The following EDIL3 variants were observed in gnomAD, a reference collection of about 807,000 sequenced individuals.
EDIL3 encodes the protein EGF-like repeat and discoidin I-like domain-containing protein 3.
In EDIL3, 37 loss-of-function variants were observed where a neutral mutation model predicts 67.4. The ratio of observed to expected loss-of-function variants is 0.55; its 90% CI spans 0.42 to 0.72. The LOEUF (loss-of-function observed/expected upper bound fraction) is 0.72. Ranked by LOEUF, EDIL3 falls within the 30% of genes least tolerant of loss-of-function variation. The pLI, the probability that EDIL3 is intolerant of heterozygous loss-of-function variation, is 0.00. For missense variants in EDIL3, 527 were observed against 586.3 expected (o/e 0.90, Z 1.04); for synonymous variants, 195 against 196.3 (o/e 0.99, Z 0.05).
intron 9 of EDIL3, among the ~76,000 whole-genome samples, chr5:84,014,118 ACT>A (rs1318478637): frequency 6.6e-6 from 1 of 151,966 alleles, no homozygotes; most frequent in Non-Finnish European, 1.5e-5. Flanking sequence ...ATAAATCTTG[ACT>A]CTCCTATGCT....
At chr5:84,365,486 C>T (rs570133069) in intron 1 of EDIL3, among the ~76,000 whole-genome samples, 3 of 152,090 alleles carry the variant, frequency 2.0e-5, no homozygotes, top group African/African-American at 7.2e-5. Flanking sequence ...AGTTATAAAT[C>T]AAGACACAAC....
At chr5:84,073,289 G>C (rs1369425159) in intron 6 of EDIL3, among the ~76,000 whole-genome samples, 2 of 152,140 alleles carry the variant, frequency 1.3e-5, no homozygotes, top group Admixed American at 1.3e-4. Context: ...ACAGGCACAA[G>C]ACAAGGATGC....
intron 1 of EDIL3, among the ~76,000 whole-genome samples, chr5:84,281,507 A>G (rs1049200490): frequency 2.6e-5 from 4 of 152,246 alleles, no homozygotes; most frequent in African/African-American, 9.6e-5. Flanking sequence ...TGAAACACTC[A>G]GCAAAGTATC....
At chr5:84,092,795 A>G (rs111362162) in intron 6 of EDIL3, among the ~76,000 whole-genome samples, 383 of 10,976 alleles carry the variant, frequency 0.035, 3 homozygotes, top group African/African-American at 0.12. Flanking sequence ...ACATTTGAGG[A>G]AAAAAAAAAC....
intron 1 of EDIL3, among the ~76,000 whole-genome samples, chr5:84,358,415 G>A (rs1019272255): frequency 6.6e-6 from 1 of 151,938 alleles, no homozygotes; most frequent in Non-Finnish European, 1.5e-5. Context: ...CATATATTGT[G>A]CCACGATATA....
At chr5:84,320,097 C>G (rs1367832301) in intron 1 of EDIL3, among the ~76,000 whole-genome samples, 2 of 151,882 alleles carry the variant, frequency 1.3e-5, no homozygotes, top group Non-Finnish European at 2.9e-5. Context: ...ACATGTATAC[C>G]TATGTAACAA....
intron 6 of EDIL3, among the ~76,000 whole-genome samples, chr5:84,080,298 C>CAAA (rs369961167): frequency 1.8e-4 from 10 of 54,278 alleles, no homozygotes; most frequent in East Asian, 1.2e-3. Context: ...GACTCTGTCT[C>CAAA]AAAAAAAAAA....
chr5:84,353,789 G>A (rs1044075420), intron 1 of EDIL3, among the ~76,000 whole-genome samples: 6 of 151,958 alleles, frequency 3.9e-5, no homozygotes, highest in Non-Finnish European at 7.4e-5. Flanking sequence ...TTAATTCTTT[G>A]TCATTTTTAT....
intron 3 of EDIL3, among the ~76,000 whole-genome samples, chr5:84,206,201 G>A (rs1279167488): frequency 7.9e-5 from 12 of 152,118 alleles, no homozygotes; most frequent in African/African-American, 2.4e-4. Context: ...AGGTTGTTCA[G>A]TTTCCATGTA....
intron 4 of EDIL3, 141 bp from the exon 5 acceptor site, chr5:84,137,495 T>C: frequency 1.6e-6 from 1 of 632,792 alleles, no homozygotes; most frequent in South Asian, 2.1e-5. Flanking sequence ...GTTTAGTCAG[T>C]AATACAAATG....
intron 9 of EDIL3, among the ~76,000 whole-genome samples, chr5:84,052,149 A>G (rs1030012920): frequency 2.0e-5 from 3 of 152,240 alleles, no homozygotes; most frequent in African/African-American, 7.2e-5. Flanking sequence ...AGTGGGGGCC[A>G]ATATTTAACA....
chr5:84,238,419 A>G (rs1397851041), intron 2 of EDIL3, among the ~76,000 whole-genome samples: 1 of 152,116 alleles, frequency 6.6e-6, no homozygotes, highest in Non-Finnish European at 1.5e-5. Flanking sequence ...AACAGTGGGC[A>G]GGTCTAACTT....
intron 5 of EDIL3, among the ~76,000 whole-genome samples, chr5:84,133,271 A>T (rs753465959): frequency 6.6e-6 from 1 of 152,020 alleles, no homozygotes; most frequent in Non-Finnish European, 1.5e-5. Flanking sequence ...CCAATTCATC[A>T]TCATTTTCAA....
chr5:84,236,586 G>A (rs1242665271), intron 2 of EDIL3, among the ~76,000 whole-genome samples: 5 of 151,922 alleles, frequency 3.3e-5, no homozygotes, highest in Middle Eastern at 3.2e-3. Context: ...AACTATAACC[G>A]AAAGCCAGTT....
intron 1 of EDIL3, among the ~76,000 whole-genome samples, chr5:84,376,531 T>A (rs749555215): frequency 1.3e-5 from 2 of 152,210 alleles, no homozygotes; most frequent in Non-Finnish European, 2.9e-5. Flanking sequence ...AATATTATAT[T>A]ATCAACAGTG....
intron 10 of EDIL3, among the ~76,000 whole-genome samples, chr5:83,948,941 A>G (rs2112114794): frequency 6.6e-6 from 1 of 151,966 alleles, no homozygotes; most frequent in East Asian, 1.9e-4. Flanking sequence ...TAGCCTCAAT[A>G]TGAGTACATT....
intron 4 of EDIL3, among the ~76,000 whole-genome samples, chr5:84,171,711 TC>T (rs1748814459): frequency 1.3e-5 from 2 of 152,212 alleles, no homozygotes; most frequent in South Asian, 4.1e-4. Flanking sequence ...GTGCTTAGTT[TC>T]TTTAAGGCAT....
intron 5 of EDIL3, among the ~76,000 whole-genome samples, chr5:84,108,991 T>A (rs888520648): frequency 6.6e-6 from 1 of 152,186 alleles, no homozygotes; most frequent in African/African-American, 2.4e-5. Context: ...AGAGAGTAGA[T>A]CTCAAATCAC....
intron 9 of EDIL3, among the ~76,000 whole-genome samples, chr5:83,992,770 T>C (rs7727330): frequency 0.28 from 42,358 of 151,926 alleles, 6,107 homozygotes; most frequent in South Asian, 0.39. Context: ...TTTAATGTTA[T>C]AGAAATATCA....
Sources: allele counts gnomAD v4.1 joint callset (sites outside exome capture counted in the v4.1 genomes callset), GRCh38; gene constraint gnomAD v4.1.1; transcripts MANE v1.5; gene names NCBI Gene and HGNC (gene_info 2026-07-23, HGNC 2026-07-21).